The following CUBN variants were observed in gnomAD, a reference collection of about 807,000 sequenced individuals.
CUBN encodes 460 kDa receptor.
Under a neutral mutation model 405.3 loss-of-function variants are expected in CUBN, and 282 were observed. That is an observed-to-expected ratio of 0.70 (90% confidence interval 0.63 to 0.77). The LOEUF is 0.77. Among genes scored for constraint, CUBN ranks in the 30% least tolerant of loss-of-function variants. The pLI, the probability that CUBN is intolerant of heterozygous loss-of-function variation, is 0.00. For missense variants in CUBN, 4,514 were observed against 4,475.2 expected (o/e 1.01, Z -0.25); for synonymous variants, 1,684 against 1,617.0 (o/e 1.04, Z -0.99).
intron 28 of CUBN, among the ~76,000 whole-genome samples, chr10:17,006,741 C>G (rs1424791586): frequency 1.3e-5 from 2 of 152,054 alleles, no homozygotes; most frequent in Non-Finnish European, 2.9e-5. Context: ...CAAACCGAGC[C>G]AGTCATAAAA....
At chr10:16,942,488 A>C (rs1235702649) in intron 36 of CUBN, among the ~76,000 whole-genome samples, 1 of 152,228 alleles carries the variant, frequency 6.6e-6, no homozygotes, top group South Asian at 2.1e-4. Flanking sequence ...ATTTTCAAAC[A>C]TTATTAGTCA....
At chr10:17,039,206 C>T (rs1162263884) in intron 27 of CUBN, among the ~76,000 whole-genome samples, 4 of 152,146 alleles carry the variant, frequency 2.6e-5, no homozygotes, top group Admixed American at 1.3e-4. Flanking sequence ...ACGTGCAACG[C>T]TCGGCAAGAT....
intron 31 of CUBN, among the ~76,000 whole-genome samples, chr10:16,957,155 G>T (rs1843087284): frequency 6.6e-6 from 1 of 152,032 alleles, no homozygotes. Flanking sequence ...AACTGTAATT[G>T]TATACCCTTT....
intron 59 of CUBN, among the ~76,000 whole-genome samples, chr10:16,858,663 A>G (rs1839932412): frequency 6.6e-6 from 1 of 152,228 alleles, no homozygotes; most frequent in Non-Finnish European, 1.5e-5. Flanking sequence ...GCCTTCAAAT[A>G]GCTAAAACAA....
In CUBN at chr10:17,106,027, G is replaced by T. The variant is rs762613173; in HGVS notation, c.1112-452C>A. ...GGGCCAGGCACAGTGGCTCACGCCT[G>T]TAATCCCAGCAGTTTGGGAGGCTGA... is the stretch of plus-strand genomic sequence containing the variant. On this transcript the variant is annotated intron_variant, in intron 10 of 66. Coordinates refer to ENST00000377833, the MANE Select transcript of CUBN (RefSeq NM_001081.4). 5.8e-4 allele frequency among the ~76,000 whole-genome samples: 89 copies of T among 152,230 alleles called. 1 individual carries two copies. The highest frequency in any genetic ancestry group is 1.5e-4 in the Non-Finnish European group (10 of 68,038).
chr10:16,931,350 G>A (rs967104967), intron 40 of CUBN, among the ~76,000 whole-genome samples: 4 of 151,962 alleles, frequency 2.6e-5, no homozygotes, highest in Non-Finnish European at 5.9e-5. Flanking sequence ...CACAGACCAG[G>A]CACTCAATAA....
chr10:17,115,700 G>A (rs1588653159), intron 6 of CUBN, 103 bp from the exon 7 acceptor site: 2 of 1,428,358 alleles, frequency 1.4e-6, no homozygotes, highest in Non-Finnish European at 2.0e-6. Flanking sequence ...AATCAACGAT[G>A]TTAACTTGGA....
intron 30 of CUBN, among the ~76,000 whole-genome samples, chr10:16,983,003 C>T (rs1055642740): frequency 8.3e-4 from 53 of 63,750 alleles, no homozygotes; most frequent in Non-Finnish European, 2.9e-3. Flanking sequence ...AACATGTTTC[C>T]TTCCAAGAAT....
chr10:16,851,525 T>C lies in CUBN; in HGVS notation c.9455-82A>G, dbSNP rs188857085. On this transcript the variant is annotated intron_variant, in intron 59 of 66. Transcript: ENST00000377833. ...ACATGGAGGGTTTTTAAAAAGAACA[T>C]AGTTTCCATTTTCTGTCACACTCTG... 447 of 1,256,894 alleles carry C rather than the reference T, an allele frequency of 3.6e-4. 2 individuals are homozygous for C. The African/African-American group carries it at 6.1e-3, about 17-fold the overall frequency. 77.9% of individuals were successfully genotyped at this position (1,256,894 alleles called of 1,614,324 possible).
intron 28 of CUBN, among the ~76,000 whole-genome samples, chr10:17,014,747 G>A (rs938073463): frequency 6.6e-6 from 1 of 152,168 alleles, no homozygotes; most frequent in African/African-American, 2.4e-5. Context: ...AAGGACCAGA[G>A]TGCCTGGACT....
intron 17 of CUBN, among the ~76,000 whole-genome samples, chr10:17,078,931 G>A (rs1056528495): frequency 6.6e-6 from 1 of 152,010 alleles, no homozygotes; most frequent in Non-Finnish European, 1.5e-5. Context: ...ATGTTCAATG[G>A]GTTTGCAGCT....
At chr10:17,068,358 A>G (rs1406681698) in intron 20 of CUBN, 78 bp from the exon 21 acceptor site, 1 of 1,419,574 alleles carries the variant, frequency 7.0e-7, no homozygotes, top group Non-Finnish European at 9.9e-7. Flanking sequence ...TCTGATAATA[A>G]CCTCTTCAAA....
At chr10:16,862,841 C>A (rs1296825097) in intron 59 of CUBN, among the ~76,000 whole-genome samples, 1 of 152,192 alleles carries the variant, frequency 6.6e-6, no homozygotes, top group East Asian at 1.9e-4. Context: ...ATAAGTGCTT[C>A]TTCCCAGCAC....
chr10:16,957,895 C>CAA (rs61261595), intron 31 of CUBN, among the ~76,000 whole-genome samples: 110 of 133,826 alleles, frequency 8.2e-4, no homozygotes, highest in Non-Finnish European at 1.3e-3. Context: ...ATAGACTTCT[C>CAA]AAAAAAAAAA....
At chr10:16,972,885 G>C (rs754126288) in intron 31 of CUBN, among the ~76,000 whole-genome samples, 9 of 151,760 alleles carry the variant, frequency 5.9e-5, no homozygotes, top group Non-Finnish European at 1.2e-4. Context: ...TGCCTACTAT[G>C]AGACCTTATC....
intron 27 of CUBN, among the ~76,000 whole-genome samples, chr10:17,020,439 T>G (rs1375867474): frequency 6.6e-6 from 1 of 152,204 alleles, no homozygotes; most frequent in Non-Finnish European, 1.5e-5. Context: ...AGGCATGCAA[T>G]GTATAATAAT....
At chr10:16,833,693 G>T (rs1839081877) in intron 64 of CUBN, among the ~76,000 whole-genome samples, 1 of 152,188 alleles carries the variant, frequency 6.6e-6, no homozygotes, top group African/African-American at 2.4e-5. Flanking sequence ...AGAAGCAGAA[G>T]ATGTTTTGTT....
At chr10:16,982,422 T>C (rs1465076713) in intron 31 of CUBN, 62 bp downstream of exon 31, 1 of 1,418,538 alleles carries the variant, frequency 7.0e-7, no homozygotes, top group Non-Finnish European at 1.0e-6. Context: ...TAAATATGCT[T>C]ATATGGCAGT....
At chr10:17,116,291 C>A (rs7899751) in intron 6 of CUBN, among the ~76,000 whole-genome samples, 5 of 152,066 alleles carry the variant, frequency 3.3e-5, no homozygotes, top group Admixed American at 6.5e-5. Context: ...GTTTTAAGCC[C>A]TTGTCATTGT....
Sources: gnomAD v4.1 joint callset for allele counts (sites outside exome capture counted in the v4.1 genomes callset) on GRCh38, gnomAD v4.1.1 for gene constraint, MANE v1.5 for transcripts, NCBI Gene and HGNC (gene_info 2026-07-23, HGNC 2026-07-21) for gene names.